Variants in TMCO4 observed in about 807,000 individuals in gnomAD.
The protein encoded by TMCO4 is transmembrane and coiled-coil domain-containing protein 4.
In TMCO4, 58 loss-of-function variants were observed where a neutral mutation model predicts 64.7. The observed-to-expected ratio is 0.90, with a 90% confidence interval of 0.73 to 1.12. The LOEUF is 1.12. TMCO4 is among the 50% of genes most tolerant of loss of function. The pLI is 0.00. For synonymous variants in TMCO4, 325 were observed against 346.1 expected (o/e 0.94, Z 0.68); for missense variants, 780 against 825.9 (o/e 0.94, Z 0.68).
Position 19,683,400 on chromosome 1 carries a change from C to T in TMCO4, c.1545G>A (p.Leu515=). 6.2e-7 allele frequency: 1 copy of T among 1,613,552 alleles called. No homozygotes were observed. The highest frequency in any genetic ancestry group is 8.5e-7 in the Non-Finnish European group (1 of 1,180,040). Residue 515 remains leucine (L), a synonymous_variant, in exon 16 of 16, where the codon CTG becomes CTA. Transcript: ENST00000294543. The stretch of plus-strand genomic sequence containing the variant: ...GCTTGGTGCGGATGCCCACGGCCTT[C>T]AGGATGGCATCCATCTGCTTGGCAT... ...LDYAKQMDAI[L]KAVGIRTKPG... is the part of the protein sequence containing the mutation.
intron 13 of TMCO4, among the ~76,000 whole-genome samples, chr1:19,716,422 G>A (rs1349950991): frequency 1.4e-5 from 2 of 147,804 alleles, no homozygotes; most frequent in East Asian, 3.9e-4. Flanking sequence ...AGTAGAGATG[G>A]GGTTTCACTA....
At chr1:19,788,384 T>C (rs986480386) in intron 2 of TMCO4, among the ~76,000 whole-genome samples, 1 of 152,150 alleles carries the variant, frequency 6.6e-6, no homozygotes, top group Non-Finnish European at 1.5e-5. Context: ...TCTAGAAAGT[T>C]ATTTTGTGTA....
chr1:19,737,156 G>C (rs994052018), intron 13 of TMCO4, among the ~76,000 whole-genome samples: 3 of 152,118 alleles, frequency 2.0e-5, no homozygotes, highest in African/African-American at 7.2e-5. Flanking sequence ...ATTACAGGAT[G>C]GTCCATCTTG....
intron 4 of TMCO4, among the ~76,000 whole-genome samples, chr1:19,773,562 A>G (rs962132411): frequency 6.6e-6 from 1 of 152,146 alleles, no homozygotes; most frequent in Non-Finnish European, 1.5e-5. Flanking sequence ...AAAGGTACAG[A>G]CAGCTCAGGG....
At chr1:19,783,032 C>T (rs1008897100) in intron 3 of TMCO4, among the ~76,000 whole-genome samples, 2 of 152,158 alleles carry the variant, frequency 1.3e-5, no homozygotes, top group African/African-American at 4.8e-5. Flanking sequence ...TATATAAATG[C>T]TTGTTTAAAA....
intron 6 of TMCO4, among the ~76,000 whole-genome samples, chr1:19,758,972 C>CA: frequency 6.6e-6 from 1 of 151,806 alleles, no homozygotes. Flanking sequence ...TATGGTGGCA[C>CA]ACGTTTGTAA....
chr1:19,707,220 G>C (rs978175612), intron 13 of TMCO4, among the ~76,000 whole-genome samples: 1 of 152,226 alleles, frequency 6.6e-6, no homozygotes, highest in Non-Finnish European at 1.5e-5. Context: ...TGTGGGGCCT[G>C]GTGGGAGCTG....
intron 1 of TMCO4, chr1:19,799,447 C>G (rs2044493056): frequency 6.6e-6 from 1 of 152,360 alleles, no homozygotes; most frequent in Admixed American, 6.5e-5. Flanking sequence ...GCACAGGGAC[C>G]TCTTGTGACC....
intron 2 of TMCO4, among the ~76,000 whole-genome samples, chr1:19,788,550 G>C (rs2043856911): frequency 6.6e-6 from 1 of 152,034 alleles, no homozygotes; most frequent in Non-Finnish European, 1.5e-5. Context: ...TGTCGATTTT[G>C]AGATCAGAAA....
chr1:19,736,096 G>A (rs766300112), intron 13 of TMCO4, among the ~76,000 whole-genome samples: 21 of 152,162 alleles, frequency 1.4e-4, no homozygotes, highest in Non-Finnish European at 2.8e-4. Context: ...TCATAGAATC[G>A]TGAGAAATGA....
chr1:19,713,213 T>A (rs771778380), intron 13 of TMCO4, among the ~76,000 whole-genome samples: 1 of 152,142 alleles, frequency 6.6e-6, no homozygotes, highest in Non-Finnish European at 1.5e-5. Context: ...GGTCACATTG[T>A]AAAGTATGTG....
chr1:19,753,605 A>G (rs1223368812), intron 7 of TMCO4, among the ~76,000 whole-genome samples: 1 of 152,212 alleles, frequency 6.6e-6, no homozygotes, highest in Admixed American at 6.5e-5. Context: ...TACAGTCAAG[A>G]GAAATTTACG....
At position 19,752,735 on chromosome 1, in the gene TMCO4, C is replaced by T. The variant is rs140178578; in HGVS notation, c.515+2899G>A. Among the ~76,000 whole-genome samples the T allele has an allele frequency of 4.1e-3, 621 of 152,198 alleles. 5 individuals carry two copies. The highest frequency in any genetic ancestry group is 0.01 in the Middle Eastern group (3 of 294). Reference sequence around the variant, plus strand: ...AAGGACACAGTGAGAGCCATTCAGACTGGACATCGTGGTCAAATCAGATGC... The same window carrying T: ...AAGGACACAGTGAGAGCCATTCAGATTGGACATCGTGGTCAAATCAGATGC... On this transcript the variant is annotated intron_variant, in intron 7 of 15. Coordinates refer to ENST00000294543, the MANE Select transcript of TMCO4 (RefSeq NM_181719.7).
At chr1:19,754,901 C>T (rs1425102737) in intron 7 of TMCO4, among the ~76,000 whole-genome samples, 2 of 152,076 alleles carry the variant, frequency 1.3e-5, no homozygotes, top group African/African-American at 4.8e-5. Flanking sequence ...TGGGAGGGCA[C>T]TATCCTTATT....
chr1:19,761,293 C>T (rs1455509686), intron 6 of TMCO4, among the ~76,000 whole-genome samples: 1 of 152,212 alleles, frequency 6.6e-6, no homozygotes, highest in Non-Finnish European at 1.5e-5. Flanking sequence ...CACACCTCTC[C>T]CCGAAGCCCG....
intron 13 of TMCO4, among the ~76,000 whole-genome samples, chr1:19,703,882 C>T (rs76913734): frequency 0.023 from 3,435 of 152,278 alleles, 60 homozygotes; most frequent in Non-Finnish European, 0.034. Context: ...CCTCACACAC[C>T]AGGAAGCCGC....
chr1:19,779,381 C>T (rs547145474), intron 4 of TMCO4, among the ~76,000 whole-genome samples: 1 of 152,312 alleles, frequency 6.6e-6, no homozygotes, highest in East Asian at 1.9e-4. Context: ...ACCACTCGGT[C>T]ATTGTCCTCA....
intron 3 of TMCO4, 115 bp downstream of exon 3, chr1:19,786,911 C>G (rs2043771486): frequency 6.6e-6 from 1 of 152,080 alleles, no homozygotes; most frequent in South Asian, 2.1e-4. Context: ...TATAAAGACC[C>G]CTTAATTGGG....
At chr1:19,746,643 G>T (rs774407235) in intron 8 of TMCO4, 44 bp from the exon 9 acceptor site, 3 of 1,572,646 alleles carry the variant, frequency 1.9e-6, no homozygotes, top group Admixed American at 1.8e-5. Context: ...AAAATGTGGT[G>T]GCTGGACGCG....
Sources: gnomAD v4.1 joint callset for allele counts (sites outside exome capture counted in the v4.1 genomes callset) on GRCh38, gnomAD v4.1.1 for gene constraint, MANE v1.5 for transcripts, NCBI Gene and HGNC (gene_info 2026-07-23, HGNC 2026-07-21) for gene names.